The following SORCS2 variants were observed in gnomAD, a reference collection of about 807,000 sequenced individuals.
SORCS2 encodes the protein sortilin related VPS10 domain containing receptor 2, also known as VPS10 domain-containing receptor SorCS2.
In SORCS2, 100 loss-of-function variants were observed where a neutral mutation model predicts 141.6. The observed-to-expected ratio is 0.71, with a 90% CI of 0.60 to 0.83. SORCS2 has a LOEUF of 0.83. Among genes scored for constraint, SORCS2 ranks in the 40% least tolerant of loss-of-function variants. The probability of loss-of-function intolerance (pLI) is 0.00; values close to 1 mark genes in which losing one functional copy is unlikely to be tolerated. For synonymous variants in SORCS2, 789 were observed against 676.9 expected (o/e 1.17, Z -2.57); for missense variants, 1,646 against 1,560.2 (o/e 1.05, Z -0.93).
chr4:7,652,029 A>T (rs1192555717), intron 4 of SORCS2, among the ~76,000 whole-genome samples: 1 of 152,192 alleles, frequency 6.6e-6, no homozygotes, highest in African/African-American at 2.4e-5. Flanking sequence ...CATTTGCGGT[A>T]GCGTTGCCAG....
chr4:7,676,854 TCTC>T (rs982271588), intron 9 of SORCS2, among the ~76,000 whole-genome samples: 1 of 84,278 alleles, frequency 1.2e-5, no homozygotes, highest in African/African-American at 4.4e-5. Context: ...AGCCCTGTCA[TCTC>T]CTCCTTCCTC....
intron 3 of SORCS2, among the ~76,000 whole-genome samples, chr4:7,608,719 C>T (rs2108805243): frequency 6.6e-6 from 1 of 152,188 alleles, no homozygotes; most frequent in East Asian, 1.9e-4. Context: ...TGTGGGCTGC[C>T]CTCCGGTCAT....
intron 3 of SORCS2, among the ~76,000 whole-genome samples, chr4:7,635,962 C>T (rs4689814): frequency 1.3e-5 from 2 of 152,038 alleles, no homozygotes; most frequent in African/African-American, 2.4e-5. Context: ...TTCACTTAAA[C>T]GCAGGCACTC....
chr4:7,629,559 C>A (rs538411181), intron 3 of SORCS2, among the ~76,000 whole-genome samples: 1 of 151,952 alleles, frequency 6.6e-6, no homozygotes, highest in Non-Finnish European at 1.5e-5. Context: ...CCCTACCCCC[C>A]AACCCCCCTC....
chr4:7,329,555 A>G (rs1719508295), intron 1 of SORCS2, among the ~76,000 whole-genome samples: 1 of 152,214 alleles, frequency 6.6e-6, no homozygotes, highest in South Asian at 2.1e-4. Flanking sequence ...TCTTCATGGC[A>G]GGTTTCTTTG....
chr4:7,357,206 G>T (rs1014334004), intron 1 of SORCS2, among the ~76,000 whole-genome samples: 9 of 152,194 alleles, frequency 5.9e-5, no homozygotes, highest in African/African-American at 1.9e-4. Context: ...TCTGATGCCT[G>T]CCCCGGGGAC....
chr4:7,487,557 A>G (rs1731065592), intron 2 of SORCS2, among the ~76,000 whole-genome samples: 1 of 152,208 alleles, frequency 6.6e-6, no homozygotes, highest in South Asian at 2.1e-4. Context: ...TGCCTGCACT[A>G]GAGAGAGCGC....
intron 9 of SORCS2, among the ~76,000 whole-genome samples, chr4:7,681,274 G>A (rs1723509904): frequency 6.6e-6 from 1 of 152,322 alleles, no homozygotes; most frequent in South Asian, 2.1e-4. Flanking sequence ...AAGGAATTAA[G>A]GCTGCTCATC....
At chr4:7,479,348 C>G (rs1007754876) in intron 2 of SORCS2, among the ~76,000 whole-genome samples, 1 of 152,104 alleles carries the variant, frequency 6.6e-6, no homozygotes, top group African/African-American at 2.4e-5. Flanking sequence ...CCCTGAGCCT[C>G]CAGCCCTCCC....
At chr4:7,251,096 T>A (rs1713481502) in intron 1 of SORCS2, among the ~76,000 whole-genome samples, 1 of 152,242 alleles carries the variant, frequency 6.6e-6, no homozygotes, top group South Asian at 2.1e-4. Flanking sequence ...ATTGGGATAA[T>A]AGCCTTTGAT....
At chr4:7,390,922 G>C (rs150469236) in intron 1 of SORCS2, among the ~76,000 whole-genome samples, 1 of 152,178 alleles carries the variant, frequency 6.6e-6, no homozygotes, top group Non-Finnish European at 1.5e-5. Context: ...TTGACAGGTG[G>C]AGAAACCGCG....
rs531752108 is a variant in SORCS2 at position 7,334,651 on chromosome 4, C to T, written c.481-61637C>T. Among the ~76,000 whole-genome samples the T allele has an allele frequency of 1.6e-4, 24 of 152,254 alleles. No individual in the cohort carries two copies. In the East Asian group the frequency reaches 2.5e-3, roughly 16 times the overall value. ...TTCAGAGGCGGGGAGTGTGCACATG[C>T]GCTGAGGACACAGGGGAGGTGGACA... On this transcript the variant is annotated intron_variant, in intron 1 of 26. Coordinates refer to ENST00000507866, the MANE Select transcript of SORCS2 (RefSeq NM_020777.3).
intron 1 of SORCS2, among the ~76,000 whole-genome samples, chr4:7,388,844 TC>T (rs1213234410): frequency 6.6e-6 from 1 of 152,102 alleles, no homozygotes; most frequent in Non-Finnish European, 1.5e-5. Context: ...CCCCCGGCGA[TC>T]CCCCCAGGCC....
chr4:7,202,164 A>T (rs1727517885), intron 1 of SORCS2, among the ~76,000 whole-genome samples: 1 of 152,198 alleles, frequency 6.6e-6, no homozygotes, highest in Admixed American at 6.5e-5. Context: ...TAAAACACAG[A>T]CTTAGGCAAT....
intron 2 of SORCS2, among the ~76,000 whole-genome samples, chr4:7,429,890 T>C (rs73796573): frequency 0.037 from 5,667 of 152,190 alleles, 366 homozygotes; most frequent in African/African-American, 0.13. Context: ...ATAAGAATAG[T>C]CCCTGTCTCA....
intron 2 of SORCS2, among the ~76,000 whole-genome samples, chr4:7,452,330 C>T (rs1237566443): frequency 1.3e-5 from 2 of 152,106 alleles, no homozygotes; most frequent in East Asian, 3.9e-4. Flanking sequence ...TTAGTAGAGA[C>T]AGAGTTTCAC....
chr4:7,357,269 C>G (rs1478269254), intron 1 of SORCS2, among the ~76,000 whole-genome samples: 2 of 152,196 alleles, frequency 1.3e-5, no homozygotes, highest in Non-Finnish European at 2.9e-5. Flanking sequence ...TGTTCCTTTA[C>G]TTGAAAAAAA....
intron 1 of SORCS2, among the ~76,000 whole-genome samples, chr4:7,266,148 C>T (rs1217661388): frequency 1.3e-5 from 2 of 152,142 alleles, no homozygotes; most frequent in African/African-American, 2.4e-5. Flanking sequence ...CTTTTCTGTC[C>T]CTCACGAGTT....
chr4:7,270,095 G>A (rs1390581048), intron 1 of SORCS2, among the ~76,000 whole-genome samples: 1 of 152,234 alleles, frequency 6.6e-6, no homozygotes, highest in Non-Finnish European at 1.5e-5. Context: ...TGGCCAGGCT[G>A]GTCTTGAACT....
Sources: allele counts gnomAD v4.1 joint callset (sites outside exome capture counted in the v4.1 genomes callset), GRCh38; gene constraint gnomAD v4.1.1; transcripts MANE v1.5; gene names NCBI Gene and HGNC (gene_info 2026-07-23, HGNC 2026-07-21).